The following DNM3 variants were observed in gnomAD, a reference collection of about 807,000 sequenced individuals.
DNM3 encodes dynamin 3.
In DNM3, 47 loss-of-function variants were observed where a neutral mutation model predicts 101.6. The ratio of observed to expected loss-of-function variants is 0.46; its 90% CI spans 0.37 to 0.59. DNM3 has a LOEUF of 0.59. DNM3 is among the 20% of genes least tolerant of loss of function. DNM3 has a pLI of 0.00. For missense variants in DNM3, 849 were observed against 1,085.7 expected (o/e 0.78, Z 3.06); for synonymous variants, 385 against 387.9 (o/e 0.99, Z 0.09).
intron 2 of DNM3, among the ~76,000 whole-genome samples, chr1:171,968,400 A>G (rs552328848): frequency 4.6e-5 from 7 of 152,310 alleles, no homozygotes; most frequent in Admixed American, 2.0e-4. Flanking sequence ...TTCCCAATGA[A>G]TTGAGCAGAG....
At chr1:171,922,123 TTGTGTGTG>T (rs3051604) in intron 2 of DNM3, among the ~76,000 whole-genome samples, 45 of 135,812 alleles carry the variant, frequency 3.3e-4, no homozygotes, top group African/African-American at 1.1e-3. Flanking sequence ...TTGGTATGCT[TTGTGTGTG>T]TGTGTGTGTG....
chr1:172,033,876 G>A (rs1456313890), intron 6 of DNM3, among the ~76,000 whole-genome samples: 2 of 152,032 alleles, frequency 1.3e-5, no homozygotes, highest in Non-Finnish European at 2.9e-5. Context: ...CTCTTACTTG[G>A]TTACAGATAT....
chr1:172,364,714 G>C (rs1340385224), intron 17 of DNM3, among the ~76,000 whole-genome samples: 1 of 151,850 alleles, frequency 6.6e-6, no homozygotes. Flanking sequence ...GTAGTGACTG[G>C]ATCATGGGGA....
Position 171,976,347 on chromosome 1 carries a change from A to G in DNM3, c.236-11309A>G, listed in dbSNP as rs557799800. On this transcript the variant is annotated intron_variant, in intron 2 of 20. Coordinates refer to ENST00000627582, the MANE Select transcript of DNM3 (RefSeq NM_015569.5). ...TAAAAGAAAGAGGCTTAACTGACTT[A>G]CAGTTCCACATGGCTGAAGAGGCCT... Among the ~76,000 whole-genome samples the G allele has an allele frequency of 3.0e-3, 457 of 152,318 alleles. 1 individual carries two copies. Among genetic ancestry groups the G allele is most frequent in the African/African-American group, 6.8e-3 (283 of 41,570 alleles).
Position 172,038,481 on chromosome 1 carries a change from C to T in DNM3, c.992+20C>T. On this transcript the variant is annotated intron_variant, in intron 7 of 20. Transcript: ENST00000627582. ...GCTGCAGTAGGTCACCTTTCCCTTCCTTGGCTCAGCATTTTAATCTAATTT... is the reference window on the plus strand; with the variant it reads ...GCTGCAGTAGGTCACCTTTCCCTTCTTTGGCTCAGCATTTTAATCTAATTT... 2.5e-6 allele frequency: 4 copies of T among 1,606,774 alleles called. No homozygotes were observed. In the South Asian group the frequency reaches 4.5e-5, roughly 18 times the overall value.
intron 14 of DNM3, among the ~76,000 whole-genome samples, chr1:172,211,352 T>G (rs1435815561): frequency 6.6e-6 from 1 of 152,120 alleles, no homozygotes; most frequent in Non-Finnish European, 1.5e-5. Flanking sequence ...TTCTACAATT[T>G]TTTAAGGCCC....
intron 18 of DNM3, among the ~76,000 whole-genome samples, chr1:172,385,362 C>T (rs2069126212): frequency 6.6e-6 from 1 of 152,164 alleles, no homozygotes; most frequent in Non-Finnish European, 1.5e-5. Flanking sequence ...CCCTCATTGC[C>T]AAGCAAATAA....
At chr1:172,011,688 T>G (rs997562104) in intron 4 of DNM3, among the ~76,000 whole-genome samples, 1 of 152,112 alleles carries the variant, frequency 6.6e-6, no homozygotes, top group African/African-American at 2.4e-5. Flanking sequence ...CTGAAAATTC[T>G]TAGTGAACCT....
chr1:172,258,160 C>A (rs2062494790), intron 15 of DNM3, among the ~76,000 whole-genome samples: 1 of 151,612 alleles, frequency 6.6e-6, no homozygotes, highest in African/African-American at 2.4e-5. Context: ...GTAAATATAC[C>A]ACCTTTTCTT....
At chr1:172,024,553 TG>T (rs1242131478) in intron 4 of DNM3, among the ~76,000 whole-genome samples, 1 of 152,170 alleles carries the variant, frequency 6.6e-6, no homozygotes, top group Non-Finnish European at 1.5e-5. Context: ...CAGCTGCCAG[TG>T]AGATCAACGC....
chr1:171,915,611 T>C (rs956545840), intron 1 of DNM3, among the ~76,000 whole-genome samples: 2 of 152,100 alleles, frequency 1.3e-5, no homozygotes, highest in African/African-American at 4.8e-5. Flanking sequence ...GAGAAACATT[T>C]GGATAGATTG....
At chr1:172,106,949 T>C (rs1053953421) in intron 13 of DNM3, among the ~76,000 whole-genome samples, 2 of 136,702 alleles carry the variant, frequency 1.5e-5, no homozygotes, top group Non-Finnish European at 3.1e-5. Flanking sequence ...CAAGCTCCGC[T>C]TCCCGGGTTC....
chr1:171,868,427 A>G (rs544602704), intron 1 of DNM3, among the ~76,000 whole-genome samples: 2 of 152,234 alleles, frequency 1.3e-5, no homozygotes, highest in African/African-American at 4.8e-5. Context: ...CAGCCAAGTG[A>G]TTTTTCCTGT....
intron 20 of DNM3, chr1:172,389,249 T>C (rs2069381125): frequency 6.1e-6 from 1 of 164,778 alleles, no homozygotes; most frequent in Admixed American, 5.7e-5. Flanking sequence ...CCTTCTGAAC[T>C]GTGATCCTTA....
At chr1:172,244,392 G>T (rs1177370755) in intron 14 of DNM3, among the ~76,000 whole-genome samples, 1 of 152,022 alleles carries the variant, frequency 6.6e-6, no homozygotes, top group East Asian at 1.9e-4. Context: ...CACAGCAAAA[G>T]AAACTAGCAT....
intron 15 of DNM3, among the ~76,000 whole-genome samples, chr1:172,270,698 A>G (rs1489632002): frequency 6.6e-6 from 1 of 152,188 alleles, no homozygotes. Flanking sequence ...CTCTGCAGCT[A>G]ACTCTGAGCA....
At chr1:172,234,956 TA>T (rs1053616906) in intron 14 of DNM3, among the ~76,000 whole-genome samples, 2 of 152,160 alleles carry the variant, frequency 1.3e-5, no homozygotes, top group African/African-American at 4.8e-5. Context: ...ACTTCATGAC[TA>T]AAACACCAAA....
chr1:172,215,120 T>A (rs2060645513), intron 14 of DNM3, among the ~76,000 whole-genome samples: 3 of 152,074 alleles, frequency 2.0e-5, no homozygotes, highest in Admixed American at 2.0e-4. Flanking sequence ...CAGTGGAACA[T>A]TTTAGTATTG....
chr1:172,142,926 C>A (rs951843153), intron 14 of DNM3, among the ~76,000 whole-genome samples: 11 of 151,534 alleles, frequency 7.3e-5, no homozygotes, highest in Non-Finnish European at 7.4e-5. Context: ...CTCATTTGTT[C>A]TACTAAAAAT....
Sources: gnomAD v4.1 joint callset for allele counts (sites outside exome capture counted in the v4.1 genomes callset) on GRCh38, gnomAD v4.1.1 for gene constraint, MANE v1.5 for transcripts, NCBI Gene and HGNC (gene_info 2026-07-23, HGNC 2026-07-21) for gene names.